MOB3B: variants seen among roughly 807,000 people sequenced by gnomAD.
MOB3B encodes MOB kinase activator-like 2B.
In MOB3B, 7 loss-of-function variants were observed where a neutral mutation model predicts 18.7. The observed-to-expected ratio is 0.37, with a 90% confidence interval of 0.21 to 0.70. MOB3B has a LOEUF of 0.70. MOB3B is among the 30% of genes least tolerant of loss of function. MOB3B has a pLI of 0.52. For missense variants in MOB3B, 253 were observed against 281.3 expected, an observed-to-expected ratio of 0.90 and a Z score of 0.72; for synonymous variants, 111 against 99.9, an observed-to-expected ratio of 1.11 and a Z score of -0.66.
intron 3 of MOB3B, among the ~76,000 whole-genome samples, chr9:27,337,168 A>G (rs1325176112): frequency 6.6e-6 from 1 of 152,064 alleles, no homozygotes; most frequent in Non-Finnish European, 1.5e-5. Context: ...CAGCACCAAA[A>G]CCCTACAACC....
At position 27,325,965 on chromosome 9, in the gene MOB3B, T is replaced by C. The variant is rs1335025169; in HGVS notation, c.*4622A>G. The stretch of plus-strand genomic sequence containing the variant: ...TCAAGTCCCTTAATGTTTTGCCAAT[T>C]AAGGTTTTTTTTTTTTTTTTTTTGA... On this transcript the variant is annotated 3_prime_UTR_variant, in exon 4 of 4. Coordinates refer to ENST00000262244, the MANE Select transcript of MOB3B (RefSeq NM_024761.5). The C allele has an allele frequency of 7.3e-6, 1 of 137,360 alleles. No homozygotes were observed. Among genetic ancestry groups the C allele is most frequent in the Non-Finnish European group, 1.6e-5 (1 of 64,332 alleles). 8.5% of individuals were successfully genotyped at this position (137,360 alleles called of 1,614,324 possible). A position where few individuals can be genotyped will look rare whatever the true frequency, so the allele number is the denominator to read the frequency against.
intron 1 of MOB3B, among the ~76,000 whole-genome samples, chr9:27,514,522 G>T (rs1321027629): frequency 6.6e-6 from 1 of 152,136 alleles, no homozygotes; most frequent in African/African-American, 2.4e-5. Context: ...TGTTTTCCCA[G>T]TTCTGACTGA....
At chr9:27,356,319 T>C (rs945391296) in intron 3 of MOB3B, among the ~76,000 whole-genome samples, 1 of 152,218 alleles carries the variant, frequency 6.6e-6, no homozygotes, top group Admixed American at 6.5e-5. Flanking sequence ...CCTTTCTTGC[T>C]CAATTAAACT....
intron 2 of MOB3B, among the ~76,000 whole-genome samples, chr9:27,448,051 C>T (rs751074074): frequency 9.2e-5 from 14 of 152,068 alleles, no homozygotes; most frequent in Middle Eastern, 3.2e-3. Flanking sequence ...GGCATCCCTT[C>T]GAGAGGATTT....
intron 2 of MOB3B, among the ~76,000 whole-genome samples, chr9:27,449,100 C>T (rs986947869): frequency 3.9e-5 from 6 of 152,122 alleles, no homozygotes; most frequent in African/African-American, 1.4e-4. Flanking sequence ...AGATGTCTCT[C>T]TAGAGTTAGA....
At chr9:27,353,085 C>T (rs1047618447) in intron 3 of MOB3B, among the ~76,000 whole-genome samples, 5 of 152,186 alleles carry the variant, frequency 3.3e-5, no homozygotes, top group South Asian at 2.1e-4. Flanking sequence ...TGAGCTAACT[C>T]CCAATCCTAG....
chr9:27,407,841 C>T (rs962702723), intron 2 of MOB3B, among the ~76,000 whole-genome samples: 2 of 152,098 alleles, frequency 1.3e-5, no homozygotes, highest in African/African-American at 4.8e-5. Flanking sequence ...AATATTGCTT[C>T]CTCTCGATTT....
chr9:27,438,774 G>T (rs1822550150), intron 2 of MOB3B, among the ~76,000 whole-genome samples: 1 of 152,120 alleles, frequency 6.6e-6, no homozygotes. Flanking sequence ...GATAAGGGCA[G>T]CCAGATTCCA....
chr9:27,451,113 G>A (rs1822776105), intron 2 of MOB3B, among the ~76,000 whole-genome samples: 1 of 152,110 alleles, frequency 6.6e-6, no homozygotes, highest in African/African-American at 2.4e-5. Context: ...TTTCTATCAG[G>A]TCTAAAATAT....
chr9:27,456,722 T>C (rs775781964), intron 1 of MOB3B, among the ~76,000 whole-genome samples: 9 of 152,242 alleles, frequency 5.9e-5, no homozygotes, highest in Non-Finnish European at 1.2e-4. Flanking sequence ...AACTGTCCAA[T>C]AGAACTTTCT....
Position 27,330,517 on chromosome 9 carries a change from T to C in MOB3B, c.*70A>G. 1.9e-6 allele frequency: 3 copies of C among 1,607,510 alleles called. No individual in the cohort carries two copies. The highest frequency in any genetic ancestry group is 2.5e-6 in the Non-Finnish European group (3 of 1,176,570). On this transcript the variant is annotated 3_prime_UTR_variant, in exon 4 of 4. Transcript: ENST00000262244. ...AGGTGTGTCATTTCAGCCAGGGTGG[T>C]CCACCTCCTGCCCGCTCAGGGCACC...
intron 1 of MOB3B, among the ~76,000 whole-genome samples, chr9:27,456,830 A>G (rs1461150829): frequency 1.3e-5 from 2 of 152,208 alleles, no homozygotes; most frequent in African/African-American, 4.8e-5. Context: ...GGCTAATGTG[A>G]CTGAGGAACA....
chr9:27,481,326 A>C (rs150083212), intron 1 of MOB3B, among the ~76,000 whole-genome samples: 4 of 152,266 alleles, frequency 2.6e-5, no homozygotes, highest in Non-Finnish European at 4.4e-5. Context: ...GATGATGGCA[A>C]ACTGAAATGC....
At position 27,404,460 on chromosome 9, in the gene MOB3B, C is replaced by T. The variant is rs181975524; in HGVS notation, c.419-45224G>A. Among the ~76,000 whole-genome samples the T allele has an allele frequency of 2.0e-3, 287 of 145,162 alleles. 2 individuals carry two copies. Among genetic ancestry groups the T allele is most frequent in the East Asian group, 5.7e-3 (27 of 4,774 alleles). On this transcript the variant is annotated intron_variant, in intron 2 of 3. Transcript: ENST00000262244. ...AACCTCTTGAACTGCAAAGTTCAAG[C>T]GATTCTCCTGCCTTGGCTTCCCGAG...
intron 1 of MOB3B, among the ~76,000 whole-genome samples, chr9:27,482,348 C>T (rs1819673415): frequency 6.6e-6 from 1 of 152,154 alleles, no homozygotes; most frequent in South Asian, 2.1e-4. Context: ...GGTCTGCTTA[C>T]ACCAAGTCTC....
intron 2 of MOB3B, among the ~76,000 whole-genome samples, chr9:27,406,422 T>A (rs1031426258): frequency 1.6e-4 from 24 of 152,338 alleles, no homozygotes; most frequent in African/African-American, 5.8e-4. Flanking sequence ...AAACCTGGAA[T>A]AGCCGAAGCA....
intron 1 of MOB3B, among the ~76,000 whole-genome samples, chr9:27,515,600 AT>A (rs1490055503): frequency 9.2e-5 from 14 of 152,208 alleles, no homozygotes; most frequent in Admixed American, 2.0e-4. Flanking sequence ...AGCTATACAG[AT>A]TGTTACCAAA....
At position 27,524,582 on chromosome 9, in the gene MOB3B, C is replaced by T. The variant is rs989634062; in HGVS notation, c.-199+4973G>A. ...AATACACCCAACCTATGAAGAGGGACATCAAGAAGGCCTTCTATGAAATGT... is the reference window on the plus strand; with the variant it reads ...AATACACCCAACCTATGAAGAGGGATATCAAGAAGGCCTTCTATGAAATGT... On this transcript the variant is annotated intron_variant, in intron 1 of 3. Coordinates refer to ENST00000262244, the MANE Select transcript of MOB3B (RefSeq NM_024761.5). 5 of 1,613,984 alleles carry T rather than the reference C, an allele frequency of 3.1e-6. No homozygotes were observed. In the African/African-American group the frequency reaches 6.7e-5, roughly 22 times the overall value.
chr9:27,487,558 C>T (rs989105430), intron 1 of MOB3B, among the ~76,000 whole-genome samples: 1 of 152,048 alleles, frequency 6.6e-6, no homozygotes, highest in African/African-American at 2.4e-5. Context: ...ACTGATGATG[C>T]AGACATAATG....
Sources: allele counts gnomAD v4.1 joint callset (sites outside exome capture counted in the v4.1 genomes callset), GRCh38; gene constraint gnomAD v4.1.1; transcripts MANE v1.5; gene names NCBI Gene and HGNC (gene_info 2026-07-23, HGNC 2026-07-21).